PTPRD: variants seen among roughly 807,000 people sequenced by gnomAD.
PTPRD encodes the protein receptor-type tyrosine-protein phosphatase delta.
In PTPRD, 34 loss-of-function variants were observed where a neutral mutation model predicts 214.5. That is an observed-to-expected ratio of 0.16 (90% CI 0.12 to 0.21). The LOEUF is 0.21. Ranked by LOEUF, PTPRD falls within the 10% of genes least tolerant of loss-of-function variation. PTPRD has a pLI of 1.00. For synonymous variants in PTPRD, 1,128 were observed against 845.7 expected (o/e 1.33, Z -5.79); for missense variants, 2,545 against 2,398.7 (o/e 1.06, Z -1.27).
intron 30 of PTPRD, among the ~76,000 whole-genome samples, chr9:8,482,863 CTT>C (rs1345310490): frequency 6.6e-6 from 1 of 152,044 alleles, no homozygotes; most frequent in Non-Finnish European, 1.5e-5. Context: ...TATAGTCTCT[CTT>C]TTATTATTTG....
chr9:9,553,791 T>C (rs545763252), intron 8 of PTPRD, among the ~76,000 whole-genome samples: 2 of 152,186 alleles, frequency 1.3e-5, no homozygotes, highest in East Asian at 3.9e-4. Flanking sequence ...ATTTAATGTG[T>C]TTCAAAGTTC....
intron 3 of PTPRD, among the ~76,000 whole-genome samples, chr9:10,078,394 T>C (rs891006031): frequency 2.0e-5 from 3 of 148,850 alleles, no homozygotes; most frequent in African/African-American, 7.4e-5. Flanking sequence ...TGTGCCCCTA[T>C]AATCCCAGCT....
chr9:10,602,658 G>A (rs919445637), intron 2 of PTPRD, among the ~76,000 whole-genome samples: 2 of 151,840 alleles, frequency 1.3e-5, no homozygotes, highest in African/African-American at 2.4e-5. Flanking sequence ...ATAAGAGACA[G>A]AATAGATGGC....
intron 5 of PTPRD, among the ~76,000 whole-genome samples, chr9:9,843,426 G>T (rs1321954440): frequency 1.3e-5 from 2 of 151,740 alleles, no homozygotes; most frequent in East Asian, 3.9e-4. Context: ...ATTGCTAAAG[G>T]TTAATGACCT....
At chr9:10,286,072 T>C (rs962413018) in intron 3 of PTPRD, among the ~76,000 whole-genome samples, 2 of 152,162 alleles carry the variant, frequency 1.3e-5, no homozygotes, top group African/African-American at 4.8e-5. Context: ...TGCATGTATG[T>C]TTGTGTTAAA....
intron 2 of PTPRD, among the ~76,000 whole-genome samples, chr9:10,567,350 G>C (rs7854957): frequency 0.029 from 4,462 of 151,872 alleles, 229 homozygotes; most frequent in African/African-American, 0.1. Context: ...CAATTTTTGA[G>C]ACTATTATTA....
At chr9:8,542,854 G>T (rs2078837868) in intron 14 of PTPRD, among the ~76,000 whole-genome samples, 1 of 152,226 alleles carries the variant, frequency 6.6e-6, no homozygotes, top group Non-Finnish European at 1.5e-5. Context: ...CTGGGAGCCA[G>T]TCTAGAATGG....
At chr9:9,496,957 T>C (rs1414043967) in intron 8 of PTPRD, among the ~76,000 whole-genome samples, 4 of 152,186 alleles carry the variant, frequency 2.6e-5, no homozygotes, top group Non-Finnish European at 5.9e-5. Flanking sequence ...AACATGGATT[T>C]TGAGGACATT....
intron 12 of PTPRD, among the ~76,000 whole-genome samples, chr9:8,671,048 T>C (rs1012748581): frequency 1.6e-4 from 24 of 152,112 alleles, no homozygotes; most frequent in African/African-American, 5.6e-4. Context: ...ACTGTGGCAA[T>C]AGAGACATTC....
intron 2 of PTPRD, among the ~76,000 whole-genome samples, chr9:10,502,019 A>C (rs1018213424): frequency 8.6e-5 from 13 of 151,954 alleles, no homozygotes; most frequent in African/African-American, 2.2e-4. Flanking sequence ...AACCACTGCT[A>C]TATAGAAACC....
intron 5 of PTPRD, among the ~76,000 whole-genome samples, chr9:9,888,371 G>T (rs2071793440): frequency 6.6e-6 from 1 of 152,276 alleles, no homozygotes; most frequent in South Asian, 2.1e-4. Context: ...CCATCATATT[G>T]TGAGGCGATG....
intron 5 of PTPRD, among the ~76,000 whole-genome samples, chr9:9,782,005 G>T (rs569590866): frequency 6.6e-6 from 1 of 152,084 alleles, no homozygotes; most frequent in African/African-American, 2.4e-5. Context: ...TGTTAACCAG[G>T]ATGGTCTCGA....
chr9:9,999,081 C>T (rs1402962353), intron 4 of PTPRD, among the ~76,000 whole-genome samples: 1 of 152,186 alleles, frequency 6.6e-6, no homozygotes, highest in Non-Finnish European at 1.5e-5. Context: ...ATTAGCACAA[C>T]TAGCAAATGG....
intron 8 of PTPRD, among the ~76,000 whole-genome samples, chr9:9,460,770 C>A (rs1462723252): frequency 6.6e-6 from 1 of 151,918 alleles, no homozygotes; most frequent in Non-Finnish European, 1.5e-5. Flanking sequence ...ATGGATGATT[C>A]TAAAACAAAT....
At chr9:9,352,332 T>C (rs2051640665) in intron 9 of PTPRD, among the ~76,000 whole-genome samples, 1 of 139,580 alleles carries the variant, frequency 7.2e-6, no homozygotes, top group African/African-American at 2.6e-5. Flanking sequence ...TATATATGTG[T>C]GTGTGTGTGT....
At chr9:10,338,824 A>T (rs2154442127) in intron 3 of PTPRD, among the ~76,000 whole-genome samples, 1 of 151,884 alleles carries the variant, frequency 6.6e-6, no homozygotes, top group East Asian at 1.9e-4. Context: ...GAAAGTGAGG[A>T]GAGATTCAAT....
At chr9:8,756,001 G>A (rs2093960879) in intron 11 of PTPRD, among the ~76,000 whole-genome samples, 1 of 152,232 alleles carries the variant, frequency 6.6e-6, no homozygotes, top group Admixed American at 6.5e-5. Context: ...TAGTATGTGT[G>A]TAGAAGAGGA....
intron 9 of PTPRD, among the ~76,000 whole-genome samples, chr9:9,289,103 T>C (rs1470340053): frequency 6.6e-6 from 1 of 151,850 alleles, no homozygotes; most frequent in Admixed American, 6.6e-5. Flanking sequence ...TAGAGTTTAC[T>C]GAAAAACACA....
At chr9:9,000,844 C>G (rs1589574411) in intron 11 of PTPRD, among the ~76,000 whole-genome samples, 1 of 151,906 alleles carries the variant, frequency 6.6e-6, no homozygotes, top group East Asian at 1.9e-4. Flanking sequence ...GATGGATTCA[C>G]AAAAAACAAA....
Sources: gnomAD v4.1 joint callset for allele counts (sites outside exome capture counted in the v4.1 genomes callset) on GRCh38, gnomAD v4.1.1 for gene constraint, MANE v1.5 for transcripts, NCBI Gene and HGNC (gene_info 2026-07-23, HGNC 2026-07-21) for gene names.